Variants in PIP5K1A observed in about 807,000 individuals in gnomAD.
PIP5K1A encodes the protein phosphatidylinositol 4-phosphate 5-kinase type-1 alpha.
PIP5K1A carries 46 observed loss-of-function variants against 72.9 expected under a neutral mutation model. That is an observed-to-expected ratio of 0.63 (90% confidence interval 0.50 to 0.81). The LOEUF (loss-of-function observed/expected upper bound fraction) is 0.81, where lower values mean the gene tolerates loss of function less well. PIP5K1A is among the 30% of genes least tolerant of loss of function. The pLI, the probability that PIP5K1A is intolerant of heterozygous loss-of-function variation, is 0.00. For synonymous variants in PIP5K1A, 228 were observed against 255.1 expected (o/e 0.89, Z 1.01); for missense variants, 458 against 706.1 (o/e 0.65, Z 3.98).
intron 1 of PIP5K1A, among the ~76,000 whole-genome samples, chr1:151,215,490 C>T (rs1187608583): frequency 8.6e-5 from 13 of 151,972 alleles, no homozygotes; most frequent in Admixed American, 5.9e-4. Flanking sequence ...GCCACTGCGC[C>T]GGCTAATTTT....
At chr1:151,201,638 A>G (rs755416822) in intron 1 of PIP5K1A, among the ~76,000 whole-genome samples, 3 of 152,156 alleles carry the variant, frequency 2.0e-5, no homozygotes, top group African/African-American at 7.2e-5. Flanking sequence ...TTACAGGCAT[A>G]TCGCAAGGTC....
chr1:151,233,099 C>CAA lies in PIP5K1A; in HGVS notation c.639+414_639+415dup, dbSNP rs11431839. Among the ~76,000 whole-genome samples the CAA allele has an allele frequency of 2.7e-3, 292 of 107,404 alleles. 3 individuals carry two copies. The highest frequency in any genetic ancestry group is 6.3e-3 in the African/African-American group (170 of 26,798). The allele number at this position is 107,404 out of a possible 152,430, so 70.5% of individuals were successfully genotyped here. A position where few individuals can be genotyped will look rare whatever the true frequency, so the allele number is the denominator to read the frequency against. ...TGGGTAACAGAGCAAGACTCCGTCT[C>CAA]AAAAAAAAAAAAAAAAAAATGTTGT... On this transcript the variant is annotated intron_variant, in intron 7 of 15. Transcript: ENST00000368888.
chr1:151,199,139 G>A lies in PIP5K1A; in HGVS notation c.85+58G>A, dbSNP rs111870947. 4.7e-5 allele frequency: 75 copies of A among 1,612,182 alleles called. 1 individual carries two copies. The African/African-American group carries it at 7.5e-4, about 16-fold the overall frequency. ...TGAGGAATATGCGATGGGAGGAAGA[G>A]CGAGACCTAAGAGGGTACCTGTAGC... On this transcript the variant is annotated intron_variant, in intron 1 of 15. Transcript: ENST00000368888.
In PIP5K1A at chr1:151,199,090, G is replaced by A. The variant is rs1362256324; in HGVS notation, c.85+9G>A. The A allele has an allele frequency of 3.7e-6, 6 of 1,613,882 alleles. No homozygotes were observed. The South Asian group carries it at 4.4e-5, about 12-fold the overall frequency. ...CTGTACCTTGTCCTCAGGTAAGCCC[G>A]GCAGGGCGTGGGTAGGGAGCTGGTG... On this transcript the variant is annotated intron_variant, in intron 1 of 15. Coordinates refer to ENST00000368888, the MANE Select transcript of PIP5K1A (RefSeq NM_001135638.2).
In PIP5K1A at chr1:151,198,604, G is replaced by GC. The variant is rs2101764504; in HGVS notation, c.-391dup. The GC allele has an allele frequency of 4.6e-6, 1 of 216,810 alleles. No individual in the cohort carries two copies. Among genetic ancestry groups the GC allele is most frequent in the African/African-American group, 2.3e-5 (1 of 43,410 alleles). 13.4% of individuals were successfully genotyped at this position (216,810 alleles called of 1,614,324 possible). Reference sequence around the variant, plus strand: ...AGCGGCCGGGTTGGGCGATTAACAGGCCGTGGTTAGGAAGGACGGAGAAGG... The same window carrying GC: ...AGCGGCCGGGTTGGGCGATTAACAGGCCCGTGGTTAGGAAGGACGGAGAAGG... On this transcript the variant is annotated 5_prime_UTR_variant, in exon 1 of 16. Coordinates refer to ENST00000368888, the MANE Select transcript of PIP5K1A (RefSeq NM_001135638.2).
At chr1:151,213,094 G>C (rs1419897019) in intron 1 of PIP5K1A, among the ~76,000 whole-genome samples, 1 of 151,898 alleles carries the variant, frequency 6.6e-6, no homozygotes, top group Non-Finnish European at 1.5e-5. Context: ...GGGTTTCACT[G>C]TGTTAGCCAG....
intron 4 of PIP5K1A, among the ~76,000 whole-genome samples, chr1:151,227,837 A>G (rs1455908283): frequency 1.3e-5 from 2 of 152,152 alleles, no homozygotes; most frequent in African/African-American, 4.8e-5. Context: ...AGTGAGGTCA[A>G]ATTGTGCCAC....
chr1:151,227,256 C>T, intron 3 of PIP5K1A, 64 bp from the exon 4 acceptor site: 3 of 918,172 alleles, frequency 3.3e-6, no homozygotes, highest in Non-Finnish European at 5.4e-6. Flanking sequence ...TTTTGATGTA[C>T]CATTGTGGTA....
In PIP5K1A at chr1:151,244,517, G is replaced by A. The variant is rs116637700; in HGVS notation, c.1640+1950G>A. Reference sequence around the variant, plus strand: ...AAAAATACAAAAAAATTAGCCAGGCGTGGTGGTATGTTCCTGTAGTCCAAG... The same window carrying A: ...AAAAATACAAAAAAATTAGCCAGGCATGGTGGTATGTTCCTGTAGTCCAAG... On this transcript the variant is annotated intron_variant, in intron 14 of 15. Transcript: ENST00000368888. 7.3e-3 allele frequency among the ~76,000 whole-genome samples: 1,106 copies of A among 152,270 alleles called. 13 individuals carry two copies. Among genetic ancestry groups the A allele is most frequent in the African/African-American group, 0.025 (1,033 of 41,560 alleles).
intron 12 of PIP5K1A, among the ~76,000 whole-genome samples, chr1:151,241,220 G>A (rs977332113): frequency 2.6e-5 from 4 of 151,994 alleles, no homozygotes; most frequent in Admixed American, 6.6e-5. Flanking sequence ...GAAAAAGGGG[G>A]GCCAAGCGCA....
rs61545057 is a variant in PIP5K1A at position 151,208,719 on chromosome 1, C to CTTTTTTTTTTTTTTTTT, written c.85+9652_85+9668dup. On this transcript the variant is annotated intron_variant, in intron 1 of 15. Coordinates refer to ENST00000368888, the MANE Select transcript of PIP5K1A (RefSeq NM_001135638.2). ...TTATTAAGGATGTTGTAATGGTACGCTTTTTTTTTTTTTTTTTTTTTTTTT... is the reference window on the plus strand; with the variant it reads ...TTATTAAGGATGTTGTAATGGTACGCTTTTTTTTTTTTTTTTTTTTTTTTTTTTTTTTTTTTTTTTTT... Among the ~76,000 whole-genome samples the CTTTTTTTTTTTTTTTTT allele has an allele frequency of 4.6e-5, 2 of 43,122 alleles. 1 individual carries two copies. Among genetic ancestry groups the CTTTTTTTTTTTTTTTTT allele is most frequent in the Non-Finnish European group, 8.7e-5 (2 of 23,042 alleles). The allele number at this position is 43,122 out of a possible 152,430, so 28.3% of individuals were successfully genotyped here.
intron 1 of PIP5K1A, 170 bp from the exon 2 acceptor site, chr1:151,224,075 A>T (rs1688771862): frequency 3.1e-6 from 2 of 649,358 alleles, no homozygotes; most frequent in African/African-American, 1.8e-5. Context: ...AGTATGGAGA[A>T]GGAGAGAGGG....
chr1:151,208,719 CTTTTTTTTTTTT>C (rs61545057), intron 1 of PIP5K1A, among the ~76,000 whole-genome samples: 863 of 43,162 alleles, frequency 0.02, 7 homozygotes, highest in Non-Finnish European at 0.03. Context: ...TAATGGTACG[CTTTTTTTTTTTT>C]TTTTTTTTTT....
At chr1:151,216,900 G>GTTTTTTTTTTTTTT (rs78155966) in intron 1 of PIP5K1A, among the ~76,000 whole-genome samples, 6 of 136,674 alleles carry the variant, frequency 4.4e-5, no homozygotes, top group African/African-American at 1.6e-4. Flanking sequence ...CTTAGTAAAT[G>GTTTTTTTTTTTTTT]TTTTTTTTTT....
intron 7 of PIP5K1A, 79 bp from the exon 8 acceptor site, chr1:151,234,118 G>C (rs935269559): frequency 3.0e-6 from 3 of 1,009,108 alleles, no homozygotes; most frequent in Non-Finnish European, 4.5e-6. Flanking sequence ...AGGGAGGATG[G>C]GTGGTAACTT....
chr1:151,234,137 G>A lies in PIP5K1A; in HGVS notation c.640-60G>A, dbSNP rs1275664855. 2.3e-6 allele frequency: 3 copies of A among 1,329,240 alleles called. No homozygotes were observed. The African/African-American group carries it at 4.4e-5, about 20-fold the overall frequency. The allele number at this position is 1,329,240 out of a possible 1,614,324, so 82.3% of individuals were successfully genotyped here. On this transcript the variant is annotated intron_variant, in intron 7 of 15. Coordinates refer to ENST00000368888, the MANE Select transcript of PIP5K1A (RefSeq NM_001135638.2). ...AGGATGGGTGGTAACTTTTACTGGTGAGTTTCACTGAAAATCAGCTAAGTT... is the reference window on the plus strand; with the variant it reads ...AGGATGGGTGGTAACTTTTACTGGTAAGTTTCACTGAAAATCAGCTAAGTT...
chr1:151,207,014 TACAC>T (rs1357240598), intron 1 of PIP5K1A, among the ~76,000 whole-genome samples: 1 of 151,732 alleles, frequency 6.6e-6, no homozygotes, highest in Non-Finnish European at 1.5e-5. Flanking sequence ...GGATTACAGG[TACAC>T]ACCAACATGC....
At chr1:151,212,881 C>CTTTTTTTTTTTTTTTTTTT (rs59115186) in intron 1 of PIP5K1A, among the ~76,000 whole-genome samples, 1 of 112,998 alleles carries the variant, frequency 8.8e-6, no homozygotes. Context: ...CTGACTTTGC[C>CTTTTTTTTTTTTTTTTTTT]TTTTTTTTTT....
chr1:151,239,902 A>C, intron 11 of PIP5K1A, 53 bp from the exon 12 acceptor site: 2 of 1,240,516 alleles, frequency 1.6e-6, no homozygotes, highest in Non-Finnish European at 2.3e-6. Context: ...CCCTTGGACT[A>C]GAGTTCCTCT....
Sources: gnomAD v4.1 joint callset for allele counts (sites outside exome capture counted in the v4.1 genomes callset) on GRCh38, gnomAD v4.1.1 for gene constraint, MANE v1.5 for transcripts, NCBI Gene and HGNC (gene_info 2026-07-23, HGNC 2026-07-21) for gene names.